Variants in TTLL9 observed in about 807,000 individuals in gnomAD.
TTLL9 encodes tubulin tyrosine ligase like 9.
In TTLL9, 47 loss-of-function variants were observed where a neutral mutation model predicts 65.6. The observed-to-expected ratio is 0.72, with a 90% CI of 0.57 to 0.91. The LOEUF is 0.91. TTLL9 is among the 40% of genes least tolerant of loss of function. The probability of loss-of-function intolerance (pLI) is 0.00; values close to 1 mark genes in which losing one functional copy is unlikely to be tolerated. For missense variants in TTLL9, 537 were observed against 568.8 expected (o/e 0.94, Z 0.57); for synonymous variants, 179 against 204.8 (o/e 0.87, Z 1.07).
chr20:31,887,734 G>C (rs2063213154), intron 3 of TTLL9, among the ~76,000 whole-genome samples: 1 of 152,202 alleles, frequency 6.6e-6, no homozygotes, highest in African/African-American at 2.4e-5. Context: ...GAATCCACTT[G>C]CACAAAGGAG....
rs6121264 is a variant in TTLL9 at position 31,890,079 on chromosome 20, G to C, written c.113+2840G>C. Reference sequence around the variant, plus strand: ...CTTTCTCTTTCTTTCTTGCTTTCTTGCTTTCTTGCTTTCTTTCCCTCCCTT... The same window carrying C: ...CTTTCTCTTTCTTTCTTGCTTTCTTCCTTTCTTGCTTTCTTTCCCTCCCTT... On this transcript the variant is annotated intron_variant, in intron 3 of 14. Transcript: ENST00000535842. 1.8e-3 allele frequency among the ~76,000 whole-genome samples: 176 copies of C among 96,786 alleles called. 15 individuals are homozygous for C. Among genetic ancestry groups the C allele is most frequent in the African/African-American group, 6.6e-3 (162 of 24,370 alleles). The allele number at this position is 96,786 out of a possible 152,430, so 63.5% of individuals were successfully genotyped here.
In TTLL9 at chr20:31,937,591, T is replaced by A; in HGVS notation, c.1118+82T>A. ...CAAGGAAGAGGGGGAGCTTAGAACCTTGGGGCCTGAGTGGCCCTCAGCGAT... is the reference window on the plus strand; with the variant it reads ...CAAGGAAGAGGGGGAGCTTAGAACCATGGGGCCTGAGTGGCCCTCAGCGAT... On this transcript the variant is annotated intron_variant, in intron 13 of 14. Transcript: ENST00000535842. 14 of 1,168,638 alleles carry A rather than the reference T, an allele frequency of 1.2e-5. No homozygotes were observed. In the South Asian group the frequency reaches 2.0e-4, roughly 16 times the overall value. The allele number at this position is 1,168,638 out of a possible 1,614,324, so 72.4% of individuals were successfully genotyped here. A position where few individuals can be genotyped will look rare whatever the true frequency, so the allele number is the denominator to read the frequency against.
At chr20:31,925,505 C>A (rs2063885787) in intron 9 of TTLL9, among the ~76,000 whole-genome samples, 1 of 152,162 alleles carries the variant, frequency 6.6e-6, no homozygotes. Context: ...GGCAGCCTGG[C>A]CTCAGAGCCT....
At chr20:31,895,500 TC>T (rs1262213005) in intron 3 of TTLL9, among the ~76,000 whole-genome samples, 1 of 152,254 alleles carries the variant, frequency 6.6e-6, no homozygotes. Flanking sequence ...ATGAGACTCC[TC>T]CCTTCATGAC....
rs570127306 is a variant in TTLL9 at position 31,930,254 on chromosome 20, T to C, written c.749-3546T>C. ...TCTGAAACGACTGGGCATGTCTAGGTGAAGCAGATAGGGGCATTCATTATA... is the reference window on the plus strand; with the variant it reads ...TCTGAAACGACTGGGCATGTCTAGGCGAAGCAGATAGGGGCATTCATTATA... On this transcript the variant is annotated intron_variant, in intron 10 of 14. Coordinates refer to ENST00000535842, the MANE Select transcript of TTLL9 (RefSeq NM_001008409.5). 3.3e-5 allele frequency among the ~76,000 whole-genome samples: 5 copies of C among 152,296 alleles called. No homozygotes were observed. In the East Asian group the frequency reaches 9.6e-4, roughly 29 times the overall value.
chr20:31,906,230 T>G (rs1383749904), intron 4 of TTLL9, among the ~76,000 whole-genome samples: 1 of 152,140 alleles, frequency 6.6e-6, no homozygotes, highest in Non-Finnish European at 1.5e-5. Context: ...GGGACTGGCT[T>G]GTCTCTGTGA....
At chr20:31,885,570 A>G (rs975076350) in intron 2 of TTLL9, among the ~76,000 whole-genome samples, 2 of 152,192 alleles carry the variant, frequency 1.3e-5, no homozygotes, top group South Asian at 4.1e-4. Context: ...GGGAGTTGGA[A>G]GGGCTTGAAT....
intron 3 of TTLL9, among the ~76,000 whole-genome samples, chr20:31,893,490 C>A (rs2063337506): frequency 6.6e-6 from 1 of 152,000 alleles, no homozygotes. Context: ...CAGATTTCTC[C>A]ATGTTGGTTA....
At chr20:31,934,007 C>G (rs1003177874) in intron 11 of TTLL9, 149 bp downstream of exon 11, 1 of 765,240 alleles carries the variant, frequency 1.3e-6, no homozygotes, top group African/African-American at 1.8e-5. Flanking sequence ...TTGCAGGGCT[C>G]AGGGCAGGAC....
chr20:31,887,371 A>G, intron 3 of TTLL9, 132 bp downstream of exon 3: 2 of 1,039,776 alleles, frequency 1.9e-6, no homozygotes, highest in South Asian at 1.5e-5. Context: ...GTAATGCTAA[A>G]CCATTATTGA....
intron 10 of TTLL9, among the ~76,000 whole-genome samples, chr20:31,933,187 G>A (rs1021840078): frequency 1.3e-5 from 2 of 152,192 alleles, no homozygotes; most frequent in African/African-American, 4.8e-5. Context: ...GAGCTGCAAA[G>A]TGCTGCTGAT....
In TTLL9 at chr20:31,937,641, A is replaced by G. The variant is rs2064136287; in HGVS notation, c.1118+132A>G. 1.1e-5 allele frequency: 7 copies of G among 649,242 alleles called. No individual in the cohort carries two copies. In the Admixed American group the frequency reaches 2.1e-4, roughly 19 times the overall value. 40.2% of individuals were successfully genotyped at this position (649,242 alleles called of 1,614,324 possible). On this transcript the variant is annotated intron_variant, in intron 13 of 14. Coordinates refer to ENST00000535842, the MANE Select transcript of TTLL9 (RefSeq NM_001008409.5). The stretch of plus-strand genomic sequence containing the variant: ...TGGCTCTGGCCTGCCCCACCACTTT[A>G]TAGATGGAGAAGCTGAGATGTCCAC...
chr20:31,911,216 G>A (rs1475492598), intron 6 of TTLL9, among the ~76,000 whole-genome samples: 1 of 152,032 alleles, frequency 6.6e-6, no homozygotes, highest in Non-Finnish European at 1.5e-5. Flanking sequence ...AGAAAGGTGA[G>A]GACAACAGCG....
chr20:31,890,195 T>TTCTTTCTTTCTTTCTTTCTTTCTTTCTC (rs1223777990), intron 3 of TTLL9, among the ~76,000 whole-genome samples: 3 of 142,928 alleles, frequency 2.1e-5, no homozygotes, highest in African/African-American at 8.0e-5. Flanking sequence ...CTTTCTTTCT[T>TTCTTTCTTTCTTTCTTTCTTTCTTTCTC]TCTTTCTCTT....
intron 4 of TTLL9, among the ~76,000 whole-genome samples, chr20:31,899,439 G>A (rs982768209): frequency 6.6e-6 from 1 of 152,094 alleles, no homozygotes; most frequent in African/African-American, 2.4e-5. Flanking sequence ...AGACCAACCT[G>A]GGCAACATGG....
intron 4 of TTLL9, among the ~76,000 whole-genome samples, chr20:31,904,637 C>T (rs1422164064): frequency 3.3e-5 from 5 of 152,114 alleles, no homozygotes; most frequent in Non-Finnish European, 4.4e-5. Flanking sequence ...GGATTACTGG[C>T]TTGAGCCACC....
At chr20:31,908,440 C>A in intron 4 of TTLL9, 151 bp from the exon 5 acceptor site, 2 of 611,440 alleles carry the variant, frequency 3.3e-6, no homozygotes, top group Admixed American at 5.3e-5. Flanking sequence ...CACATGTAGG[C>A]CAGTGGCACC....
intron 6 of TTLL9, among the ~76,000 whole-genome samples, chr20:31,919,185 C>G (rs527930795): frequency 6.6e-6 from 1 of 152,352 alleles, no homozygotes; most frequent in East Asian, 1.9e-4. Flanking sequence ...TAGCTCAACA[C>G]AGGTTAGGCT....
intron 10 of TTLL9, among the ~76,000 whole-genome samples, chr20:31,930,993 T>C (rs1196017720): frequency 1.3e-5 from 2 of 152,064 alleles, no homozygotes; most frequent in African/African-American, 4.8e-5. Context: ...AAGTGTGAAG[T>C]TCTGGGAGTC....
Sources: allele counts gnomAD v4.1 joint callset (sites outside exome capture counted in the v4.1 genomes callset), GRCh38; gene constraint gnomAD v4.1.1; transcripts MANE v1.5; gene names NCBI Gene and HGNC (gene_info 2026-07-23, HGNC 2026-07-21).